The following GNG12 variants were observed in gnomAD, a reference collection of about 807,000 sequenced individuals.
GNG12 encodes G protein subunit gamma 12, also known as guanine nucleotide-binding protein G(I)/G(S)/G(O) subunit gamma-12.
For missense variants in GNG12, 69 were observed against 83.8 expected (o/e 0.82, Z 0.69); for synonymous variants, 28 against 29.7 (o/e 0.94, Z 0.19).
chr1:67,715,717 T>G (rs941109606), intron 2 of GNG12, among the ~76,000 whole-genome samples: 1 of 152,178 alleles, frequency 6.6e-6, no homozygotes, highest in Non-Finnish European at 1.5e-5. Context: ...CCCCTTCCAA[T>G]GATTGTACAA....
chr1:67,779,624 G>A (rs1266825155), intron 1 of GNG12, among the ~76,000 whole-genome samples: 3 of 152,178 alleles, frequency 2.0e-5, no homozygotes, highest in African/African-American at 7.2e-5. Flanking sequence ...CCACCTCTGG[G>A]AAGCCTGTGT....
At chr1:67,787,790 G>A (rs962586104) in intron 1 of GNG12, among the ~76,000 whole-genome samples, 3 of 152,202 alleles carry the variant, frequency 2.0e-5, no homozygotes, top group African/African-American at 4.8e-5. Flanking sequence ...TTACAGGTAA[G>A]TTGCTGTTTT....
intron 1 of GNG12, among the ~76,000 whole-genome samples, chr1:67,816,814 G>A (rs1252286850): frequency 6.6e-6 from 1 of 152,130 alleles, no homozygotes; most frequent in East Asian, 1.9e-4. Context: ...CACAAAAGCA[G>A]GAGAACAAGA....
intron 2 of GNG12, among the ~76,000 whole-genome samples, chr1:67,746,068 TA>T (rs1454940649): frequency 6.6e-6 from 1 of 152,234 alleles, no homozygotes; most frequent in Non-Finnish European, 1.5e-5. Context: ...TATGCAGGAC[TA>T]AAGCTCTTGG....
intron 1 of GNG12, 41 bp from the exon 2 acceptor site, chr1:67,777,548 T>C (rs1646713096): frequency 2.4e-6 from 1 of 416,372 alleles, no homozygotes; most frequent in African/African-American, 2.1e-5. Flanking sequence ...GTAAATCACA[T>C]TTGGAAAGGG....
rs61401575 is a variant in GNG12, at chr1:67,709,636, C to T, written c.-26-1924G>A. ...TCGGATTCCTCAGTCATCCCTGCCCCACCCAAAAGAGAGGCCTAGGGTCTC... is the reference window on the plus strand; with the variant it reads ...TCGGATTCCTCAGTCATCCCTGCCCTACCCAAAAGAGAGGCCTAGGGTCTC... On this transcript the variant is annotated intron_variant, in intron 2 of 3. Coordinates refer to ENST00000370982, the MANE Select transcript of GNG12 (RefSeq NM_018841.6). 5.7e-4 allele frequency among the ~76,000 whole-genome samples: 86 copies of T among 150,856 alleles called. 1 individual carries two copies. The highest frequency in any genetic ancestry group is 2.0e-3 in the African/African-American group (84 of 41,030).
intron 1 of GNG12, among the ~76,000 whole-genome samples, chr1:67,792,646 T>G (rs1490794115): frequency 6.6e-6 from 1 of 152,148 alleles, no homozygotes; most frequent in African/African-American, 2.4e-5. Context: ...GCCTTATTTG[T>G]GGTAGTGGCA....
intron 1 of GNG12, among the ~76,000 whole-genome samples, chr1:67,778,698 A>T (rs1646720422): frequency 6.6e-6 from 1 of 152,146 alleles, no homozygotes; most frequent in Admixed American, 6.6e-5. Flanking sequence ...TTTACACAAG[A>T]CTGTGAGACG....
chr1:67,736,006 T>C (rs1165365406), intron 2 of GNG12, among the ~76,000 whole-genome samples: 1 of 151,366 alleles, frequency 6.6e-6, no homozygotes, highest in Non-Finnish European at 1.5e-5. Flanking sequence ...TGACCCCCTC[T>C]GCACTGGGGA....
intron 2 of GNG12, among the ~76,000 whole-genome samples, chr1:67,766,100 A>ACACACG (rs1287046729): frequency 6.0e-5 from 8 of 133,506 alleles, no homozygotes; most frequent in Non-Finnish European, 1.2e-4. Context: ...AAAACAAGGC[A>ACACACG]CACACGCACA....
rs1453437621 is a variant in GNG12, at chr1:67,702,695, A to G, written c.*2756T>C. 2.0e-5 allele frequency: 3 copies of G among 152,186 alleles called. No homozygotes were observed. Among genetic ancestry groups the G allele is most frequent in the African/African-American group, 7.2e-5 (3 of 41,444 alleles). The allele number at this position is 152,186 out of a possible 1,614,324, so 9.4% of individuals were successfully genotyped here. ...CTTATTTAAAAAATGTTTCTGTAAA[A>G]TACTTCGGAGTCATGAAATCATGCC... On this transcript the variant is annotated 3_prime_UTR_variant, in exon 4 of 4. Transcript: ENST00000370982.
chr1:67,818,963 C>T (rs1355269008), intron 1 of GNG12, among the ~76,000 whole-genome samples: 1 of 152,040 alleles, frequency 6.6e-6, no homozygotes, highest in Non-Finnish European at 1.5e-5. Context: ...GACTGCGATG[C>T]CTTTGGGGAA....
chr1:67,791,891 T>C (rs568126928), intron 1 of GNG12, among the ~76,000 whole-genome samples: 1 of 152,296 alleles, frequency 6.6e-6, no homozygotes, highest in Non-Finnish European at 1.5e-5. Flanking sequence ...CATCAGCAGC[T>C]ATGAGAACTG....
At chr1:67,767,039 T>G (rs1646644499) in intron 2 of GNG12, among the ~76,000 whole-genome samples, 1 of 152,210 alleles carries the variant, frequency 6.6e-6, no homozygotes, top group Non-Finnish European at 1.5e-5. Context: ...TTTTGTGGGT[T>G]CTAAGCCTTA....
At chr1:67,763,638 C>A (rs576717154) in intron 2 of GNG12, among the ~76,000 whole-genome samples, 1 of 151,720 alleles carries the variant, frequency 6.6e-6, no homozygotes, top group East Asian at 1.9e-4. Flanking sequence ...GCTCAAACAA[C>A]CCTCCTGCCT....
At chr1:67,826,593 T>A (rs527346707) in intron 1 of GNG12, among the ~76,000 whole-genome samples, 2 of 152,296 alleles carry the variant, frequency 1.3e-5, no homozygotes, top group East Asian at 3.9e-4. Context: ...GAAGATTTCA[T>A]TAGTCTAGGC....
chr1:67,736,492 A>C (rs1283883764), intron 2 of GNG12, among the ~76,000 whole-genome samples: 1 of 152,166 alleles, frequency 6.6e-6, no homozygotes, highest in African/African-American at 2.4e-5. Flanking sequence ...CAGCTATGTA[A>C]ATGAACCCTG....
intron 1 of GNG12, among the ~76,000 whole-genome samples, chr1:67,830,188 A>G (rs1647035253): frequency 6.6e-6 from 1 of 152,124 alleles, no homozygotes; most frequent in Admixed American, 6.5e-5. Flanking sequence ...TATTTTTAGT[A>G]GAGATGGGGT....
At chr1:67,727,754 T>C (rs945397963) in intron 2 of GNG12, among the ~76,000 whole-genome samples, 4 of 152,222 alleles carry the variant, frequency 2.6e-5, no homozygotes, top group African/African-American at 7.2e-5. Flanking sequence ...AGATAGCAAT[T>C]TACAAGGCGC....
Sources: allele counts gnomAD v4.1 joint callset (sites outside exome capture counted in the v4.1 genomes callset), GRCh38; gene constraint gnomAD v4.1.1; transcripts MANE v1.5; gene names NCBI Gene and HGNC (gene_info 2026-07-23, HGNC 2026-07-21).